ALDH18A1: variants seen among roughly 807,000 people sequenced by gnomAD.
The protein encoded by ALDH18A1 is delta-1-pyrroline-5-carboxylate synthase.
Under a neutral mutation model 88.8 loss-of-function variants are expected in ALDH18A1, and 44 were observed. The ratio of observed to expected loss-of-function variants is 0.50; its 90% CI spans 0.39 to 0.64. The LOEUF (loss-of-function observed/expected upper bound fraction) is 0.64, where lower values mean the gene tolerates loss of function less well. Among genes scored for constraint, ALDH18A1 ranks in the 30% least tolerant of loss-of-function variants. The pLI is 0.00. For synonymous variants in ALDH18A1, 331 were observed against 372.1 expected (o/e 0.89, Z 1.27); for missense variants, 782 against 1,009.5 (o/e 0.77, Z 3.05).
At chr10:95,608,298 G>T (rs2097826569) in intron 17 of ALDH18A1, among the ~76,000 whole-genome samples, 1 of 152,210 alleles carries the variant, frequency 6.6e-6, no homozygotes, top group Admixed American at 6.5e-5. Flanking sequence ...CAAGTACATG[G>T]AGAGTATAAA....
intron 12 of ALDH18A1, 139 bp downstream of exon 12, chr10:95,620,892 A>T (rs2097851162): frequency 1.2e-6 from 1 of 835,974 alleles, no homozygotes; most frequent in Non-Finnish European, 1.9e-6. Context: ...ATACCTATGT[A>T]ACAAACCTGC....
At chr10:95,645,979 T>C (rs961837739) in intron 2 of ALDH18A1, among the ~76,000 whole-genome samples, 4 of 152,212 alleles carry the variant, frequency 2.6e-5, no homozygotes, top group African/African-American at 9.7e-5. Context: ...GTTTAAAAGT[T>C]GTATGCCTAA....
Position 95,610,283 on chromosome 10 carries a change from G to T in ALDH18A1, c.2120C>A (p.Ala707Glu). ...DVIVTEDENTAEFFLQHVDSA... is the reference protein window; with the variant it reads ...DVIVTEDENTEEFFLQHVDSA... ...GTCTACGTGCTGCAGGAAGAACTCC[G>T]CTGTGTTTTCTGCAGGGTGAAGAAG... The change falls in exon 17 of 18, where the codon GCG (alanine) becomes GAG (glutamate). Residue 707 changes from alanine to glutamate, a missense_variant. Transcript: ENST00000371224. The T allele has an allele frequency of 6.2e-7, 1 of 1,613,950 alleles. No individual in the cohort carries two copies. The highest frequency in any genetic ancestry group is 8.5e-7 in the Non-Finnish European group (1 of 1,179,868).
intron 12 of ALDH18A1, among the ~76,000 whole-genome samples, chr10:95,617,581 G>A (rs187340877): frequency 6.6e-6 from 1 of 152,224 alleles, no homozygotes; most frequent in African/African-American, 2.4e-5. Flanking sequence ...TAGTTGCCTT[G>A]TTAGAGCAAA....
At chr10:95,613,439 T>TGTGA (rs68097195) in intron 15 of ALDH18A1, among the ~76,000 whole-genome samples, 3 of 151,962 alleles carry the variant, frequency 2.0e-5, no homozygotes, top group Non-Finnish European at 4.4e-5. Context: ...ACACCTTGCA[T>TGTGA]ATATAAGGTT....
At chr10:95,622,194 C>T (rs1413689388) in intron 11 of ALDH18A1, among the ~76,000 whole-genome samples, 2 of 151,820 alleles carry the variant, frequency 1.3e-5, no homozygotes, top group African/African-American at 4.8e-5. Flanking sequence ...AAAAAGAAAA[C>T]TTTTTTCCTT....
intron 11 of ALDH18A1, among the ~76,000 whole-genome samples, chr10:95,622,145 T>C (rs2097853717): frequency 6.6e-6 from 1 of 152,196 alleles, no homozygotes; most frequent in African/African-American, 2.4e-5. Context: ...TCTTCTAAAA[T>C]AAAATGTTAA....
chr10:95,633,491 A>T lies in ALDH18A1; in HGVS notation c.717T>A (p.Asn239Lys). The T allele has an allele frequency of 6.2e-7, 1 of 1,613,996 alleles. No individual in the cohort carries two copies. The highest frequency in any genetic ancestry group is 8.5e-7 in the Non-Finnish European group (1 of 1,179,998). ...AAACCCTTAGAAATACTTTACCCAC[A>T]TTTACCCCCTGCAGGTCACTGTTGG... The part of the protein sequence containing the change: ...AEPNSDLQGV[N>K]VISVKDNDSL... Residue 239 changes from asparagine to lysine, a missense_variant and splice_region_variant, in exon 6 of 18, where the codon AAT (asparagine) becomes AAA (lysine). Physicochemically the swap from Asn to Lys is moderately conservative, Grantham distance 94. This residue lies in a region of ALDH18A1 where 132 missense variants were observed against 255.5 expected (regional missense o/e 0.52). Transcript: ENST00000371224.
At chr10:95,625,254 T>G in intron 11 of ALDH18A1, 108 bp downstream of exon 11, 2 of 963,052 alleles carry the variant, frequency 2.1e-6, no homozygotes, top group Non-Finnish European at 3.4e-6. Flanking sequence ...ACAATTTCTT[T>G]TATAAAAATC....
intron 2 of ALDH18A1, among the ~76,000 whole-genome samples, chr10:95,649,236 T>C (rs2097906092): frequency 9.8e-6 from 1 of 102,192 alleles, no homozygotes; most frequent in African/African-American, 4.4e-5. Context: ...GATCACGAAG[T>C]TGGGTGCAGT....
chr10:95,615,377 G>A (rs544312509), intron 13 of ALDH18A1, among the ~76,000 whole-genome samples: 2 of 151,258 alleles, frequency 1.3e-5, no homozygotes, highest in East Asian at 3.9e-4. Context: ...TAATGTGACA[G>A]AAGTCAAAAA....
At chr10:95,617,420 C>T (rs944201610) in intron 12 of ALDH18A1, among the ~76,000 whole-genome samples, 3 of 152,220 alleles carry the variant, frequency 2.0e-5, no homozygotes, top group African/African-American at 7.2e-5. Context: ...TGGAATTGTT[C>T]TGAGAGCTCT....
chr10:95,632,796 C>T (rs1282471895), intron 7 of ALDH18A1, among the ~76,000 whole-genome samples, 163 bp downstream of exon 7: 1 of 152,146 alleles, frequency 6.6e-6, no homozygotes, highest in African/African-American at 2.4e-5. Context: ...CTTAGACTCA[C>T]CCACCCTGTT....
chr10:95,617,731 A>C (rs146432481), intron 12 of ALDH18A1, among the ~76,000 whole-genome samples: 1,744 of 152,342 alleles, frequency 0.011, 97 homozygotes, highest in Admixed American at 0.084. Flanking sequence ...AGTCCAGATG[A>C]GGAGCCTTAG....
At chr10:95,646,572 C>T (rs1323758804) in intron 2 of ALDH18A1, among the ~76,000 whole-genome samples, 2 of 151,948 alleles carry the variant, frequency 1.3e-5, no homozygotes, top group African/African-American at 4.8e-5. Context: ...CGCCTTTTAC[C>T]TTCCAAGGCT....
At chr10:95,615,297 C>T (rs1029507957) in intron 13 of ALDH18A1, among the ~76,000 whole-genome samples, 3 of 151,146 alleles carry the variant, frequency 2.0e-5, no homozygotes, top group Non-Finnish European at 4.4e-5. Context: ...CAAGATTGTG[C>T]CACTGAATTC....
intron 11 of ALDH18A1, among the ~76,000 whole-genome samples, chr10:95,622,470 G>A (rs571018805): frequency 5.3e-5 from 8 of 152,248 alleles, no homozygotes; most frequent in Admixed American, 3.3e-4. Context: ...CCAAAGTGCT[G>A]GGATTACTGG....
chr10:95,606,614 T>C lies in ALDH18A1; in HGVS notation c.*148A>G. ...TGTGCACATCAGCCAAGACTGCTAT[T>C]GCCAAACGGAGCCCAGAAGCATCCA... On this transcript the variant is annotated 3_prime_UTR_variant, in exon 18 of 18. Transcript: ENST00000371224. 3.8e-6 allele frequency: 6 copies of C among 1,588,312 alleles called. No homozygotes were observed. The highest frequency in any genetic ancestry group is 5.1e-6 in the Non-Finnish European group (6 of 1,171,358).
intron 5 of ALDH18A1, among the ~76,000 whole-genome samples, chr10:95,634,628 C>G (rs2097877192): frequency 6.6e-6 from 1 of 152,106 alleles, no homozygotes; most frequent in African/African-American, 2.4e-5. Context: ...TGGTCACAAG[C>G]TGAAAGGGGG....
Sources: gnomAD v4.1 joint callset for allele counts (sites outside exome capture counted in the v4.1 genomes callset) on GRCh38, gnomAD v4.1.1 for gene constraint, gnomAD v4.1.1 regional missense constraint, MANE v1.5 for transcripts, NCBI Gene and HGNC (gene_info 2026-07-23, HGNC 2026-07-21) for gene names.